Variants in SPNS3 observed in about 807,000 individuals in gnomAD.
SPNS3 encodes the protein SPNS lysolipid transporter 3, sphingosine-1-phosphate (putative), also known as protein spinster homolog 3.
SPNS3 carries 51 observed loss-of-function variants against 54.4 expected under a neutral mutation model. The observed-to-expected ratio is 0.94, with a 90% confidence interval of 0.75 to 1.18. The LOEUF (loss-of-function observed/expected upper bound fraction) is 1.18. Among genes scored for constraint, SPNS3 ranks in the 50% most tolerant of loss-of-function variants. The pLI is 0.00. For synonymous variants in SPNS3, 309 were observed against 294.7 expected, an observed-to-expected ratio of 1.05 and a Z score of -0.50; for missense variants, 669 against 677.4, an observed-to-expected ratio of 0.99 and a Z score of 0.14.
rs1567581328 is a variant in SPNS3 at position 4,488,167 on chromosome 17, G to A, written c.*273G>A. 1 of 509,852 alleles carries A rather than the reference G, an allele frequency of 2.0e-6. No homozygotes were observed. Among genetic ancestry groups the A allele is most frequent in the Non-Finnish European group, 3.6e-6 (1 of 280,236 alleles). The allele number at this position is 509,852 out of a possible 1,614,324, so 31.6% of individuals were successfully genotyped here. ...TGGCTGCTGCTGGGCCCTGAATAAA[G>A]AGAGGCCAGTACAAAGCCCATGGAT... On this transcript the variant is annotated 3_prime_UTR_variant, in exon 12 of 12. Transcript: ENST00000355530.
intron 9 of SPNS3, among the ~76,000 whole-genome samples, chr17:4,480,463 C>T (rs1364599922): frequency 6.6e-6 from 1 of 152,256 alleles, no homozygotes; most frequent in Non-Finnish European, 1.5e-5. Context: ...CTGGTTCTCT[C>T]TGAGGTGGTC....
chr17:4,441,522 G>T (rs923132001), intron 2 of SPNS3, among the ~76,000 whole-genome samples: 6 of 152,298 alleles, frequency 3.9e-5, no homozygotes, highest in African/African-American at 1.4e-4. Context: ...AGACCATCTT[G>T]GTTCAACACC....
chr17:4,472,004 G>A (rs113418916), intron 8 of SPNS3, among the ~76,000 whole-genome samples: 6,256 of 151,892 alleles, frequency 0.041, 157 homozygotes, highest in Admixed American at 0.054. Flanking sequence ...GACTACAGGC[G>A]TGCTCCACGA....
At chr17:4,465,681 C>T (rs567351093) in intron 8 of SPNS3, among the ~76,000 whole-genome samples, 21 of 151,998 alleles carry the variant, frequency 1.4e-4, no homozygotes, top group Non-Finnish European at 2.5e-4. Context: ...GAGGTGGGAT[C>T]GCCACCAATG....
intron 8 of SPNS3, among the ~76,000 whole-genome samples, chr17:4,453,672 C>T (rs543010410): frequency 1.9e-4 from 29 of 152,210 alleles, no homozygotes; most frequent in Admixed American, 1.6e-3. Context: ...GAAGAAGGGG[C>T]AGAACTGGGA....
At chr17:4,445,925 C>T (rs1039185487) in intron 3 of SPNS3, 123 bp from the exon 4 acceptor site, 7 of 1,170,720 alleles carry the variant, frequency 6.0e-6, no homozygotes, top group Non-Finnish European at 8.3e-6. Context: ...TAGCCCCGAT[C>T]CCCTCTCCCT....
chr17:4,459,360 T>C (rs534940854), intron 8 of SPNS3, among the ~76,000 whole-genome samples: 2 of 152,182 alleles, frequency 1.3e-5, no homozygotes, highest in Admixed American at 6.5e-5. Flanking sequence ...TGTATTCATT[T>C]GTTTATTCAA....
At chr17:4,439,144 A>G (rs1263749482) in intron 1 of SPNS3, among the ~76,000 whole-genome samples, 2 of 147,400 alleles carry the variant, frequency 1.4e-5, no homozygotes, top group African/African-American at 5.0e-5. Context: ...TTTTTTTGAG[A>G]TGGAGCGTGG....
intron 1 of SPNS3, among the ~76,000 whole-genome samples, chr17:4,437,493 C>A (rs1398941448): frequency 2.6e-5 from 4 of 151,804 alleles, no homozygotes; most frequent in Non-Finnish European, 5.9e-5. Flanking sequence ...ATGGTGAAAC[C>A]CCGTCTCTAC....
At chr17:4,434,382 G>A (rs549228526) in intron 1 of SPNS3, among the ~76,000 whole-genome samples, 52 of 152,362 alleles carry the variant, frequency 3.4e-4, no homozygotes, top group African/African-American at 1.3e-3. Context: ...GACACAGGCT[G>A]GGCATGGTGG....
intron 8 of SPNS3, among the ~76,000 whole-genome samples, chr17:4,471,834 C>T (rs984197497): frequency 6.6e-6 from 1 of 151,382 alleles, no homozygotes; most frequent in Non-Finnish European, 1.5e-5. Context: ...TCTGCTCCTT[C>T]TCTTATCACC....
At chr17:4,448,646 G>A (rs1054438061) in intron 6 of SPNS3, among the ~76,000 whole-genome samples, 7 of 152,178 alleles carry the variant, frequency 4.6e-5, no homozygotes, top group Non-Finnish European at 8.8e-5. Context: ...CCCCTTCTCC[G>A]GGTTGCTGGG....
chr17:4,479,322 C>T (rs752650247), intron 9 of SPNS3, among the ~76,000 whole-genome samples: 8 of 152,262 alleles, frequency 5.3e-5, no homozygotes, highest in Non-Finnish European at 1.0e-4. Context: ...AGACGGGATG[C>T]CATCCTTCAG....
Position 4,478,656 on chromosome 17 carries a change from G to C in SPNS3, c.1179+19G>C. The stretch of plus-strand genomic sequence containing the variant: ...CCTGCTGGTAGGTGTGGGAGTCGGG[G>C]TGGTGGGCTGAGCAGGGGGAGCTGG... On this transcript the variant is annotated intron_variant, in intron 9 of 11. Coordinates refer to ENST00000355530, the MANE Select transcript of SPNS3 (RefSeq NM_182538.5). The C allele has an allele frequency of 1.3e-6, 2 of 1,577,516 alleles. No individual in the cohort carries two copies. Among genetic ancestry groups the C allele is most frequent in the Non-Finnish European group, 1.7e-6 (2 of 1,161,086 alleles).
chr17:4,452,881 C>A (rs1032920158), intron 7 of SPNS3, 135 bp from the exon 8 acceptor site: 1 of 804,250 alleles, frequency 1.2e-6, no homozygotes, highest in African/African-American at 1.7e-5. Context: ...AGGTCAGGGG[C>A]CCACAGCCAT....
At chr17:4,434,664 T>A (rs1215312499) in intron 1 of SPNS3, among the ~76,000 whole-genome samples, 3 of 151,184 alleles carry the variant, frequency 2.0e-5, no homozygotes, top group Non-Finnish European at 4.4e-5. Flanking sequence ...ATCCGGCTAA[T>A]TTTTGTATTT....
Position 4,446,036 on chromosome 17 carries a change from C to A in SPNS3, c.403-12C>A. On this transcript the variant is annotated splice_polypyrimidine_tract_variant and intron_variant, in intron 3 of 11. Transcript: ENST00000355530. ...TCTGGAACTCACCGTGGTCTTGTGC[C>A]TGCTCGCCCAGTATTCTTGGCTCTT... is the stretch of plus-strand genomic sequence containing the variant. The A allele has an allele frequency of 1.3e-6, 2 of 1,595,886 alleles. No homozygotes were observed. Among genetic ancestry groups the A allele is most frequent in the Non-Finnish European group, 1.7e-6 (2 of 1,167,848 alleles).
Position 4,478,591 on chromosome 17 carries a change from A to T in SPNS3, c.1133A>T (p.Glu378Val). The T allele has an allele frequency of 6.3e-7, 1 of 1,583,498 alleles. No homozygotes were observed. The highest frequency in any genetic ancestry group is 1.8e-5 in the Admixed American group (1 of 54,518). The change falls in exon 9 of 12, where the codon GAG becomes GTG. Residue 378 changes from glutamate to valine, a missense_variant. Physicochemically the swap from Glu to Val is moderately radical, Grantham distance 121. Coordinates refer to ENST00000355530, the MANE Select transcript of SPNS3 (RefSeq NM_182538.5). ...LASYVFLGLGELLLSCNWAVV... is the reference protein window; with the variant it reads ...LASYVFLGLGVLLLSCNWAVV... ...CCACAGGTGTTCCTGGGCCTTGGGG[A>T]GCTGCTTCTGTCCTGCAACTGGGCA...
In SPNS3 at chr17:4,433,979, G is replaced by A. The variant is rs1442324106; in HGVS notation, c.12G>A (p.Gly4=). ...AGCTGCAGGCTGGCATGGCTGGGGG[G>A]ATGTCAGCGGAGTGCCCTGAGCCTG... is the stretch of plus-strand genomic sequence containing the variant. MAG[G]MSAECPEPGP... The change falls in exon 1 of 12, where the codon GGG becomes GGA. Residue 4 remains glycine, a synonymous_variant. Coordinates refer to ENST00000355530, the MANE Select transcript of SPNS3 (RefSeq NM_182538.5). 1 of 1,542,034 alleles carries A rather than the reference G, an allele frequency of 6.5e-7. No homozygotes were observed. The highest frequency in any genetic ancestry group is 1.2e-5 in the South Asian group (1 of 82,402).
Sources: allele counts gnomAD v4.1 joint callset (sites outside exome capture counted in the v4.1 genomes callset), GRCh38; gene constraint gnomAD v4.1.1; transcripts MANE v1.5; gene names NCBI Gene and HGNC (gene_info 2026-07-23, HGNC 2026-07-21).